Variants in PAIP2B observed in about 807,000 individuals in gnomAD.
PAIP2B encodes polyadenylate-binding protein-interacting protein 2B.
A neutral mutation model predicts 17.0 loss-of-function variants in PAIP2B; 13 were observed. The observed-to-expected ratio is 0.76, with a 90% CI of 0.50 to 1.22. The LOEUF (loss-of-function observed/expected upper bound fraction) is 1.22, where lower values mean the gene tolerates loss of function less well. PAIP2B is among the 50% of genes most tolerant of loss of function. The probability of loss-of-function intolerance (pLI) is 0.00; values close to 1 mark genes in which losing one functional copy is unlikely to be tolerated. For missense variants in PAIP2B, 117 were observed against 144.5 expected (o/e 0.81, Z 0.98); for synonymous variants, 43 against 48.7 (o/e 0.88, Z 0.48).
At chr2:71,193,638 G>A (rs1252132392) in intron 2 of PAIP2B, among the ~76,000 whole-genome samples, 1 of 152,146 alleles carries the variant, frequency 6.6e-6, no homozygotes, top group East Asian at 1.9e-4. Context: ...CAGATCATGA[G>A]GTTAGTAGAC....
Position 71,184,996 on chromosome 2 carries a change from T to C in PAIP2B, c.*3483A>G, listed in dbSNP as rs187181. ...TGCCCCCTCCTCACAGTTGGGTAGA[T>C]TCCTGGGTTCCTGATGGTTCAGGAG... On this transcript the variant is annotated 3_prime_UTR_variant, in exon 4 of 4. Coordinates refer to ENST00000244221, the MANE Select transcript of PAIP2B (RefSeq NM_020459.1). 55,333 of 151,912 alleles carry C rather than the reference T, an allele frequency of 0.36. 10,425 individuals carry two copies. Among genetic ancestry groups the C allele is most frequent in the South Asian group, 0.57 (2,733 of 4,816 alleles). The allele number at this position is 151,912 out of a possible 1,614,324, so 9.4% of individuals were successfully genotyped here. A position where few individuals can be genotyped will look rare whatever the true frequency, so the allele number is the denominator to read the frequency against.
chr2:71,214,019 T>G (rs757393666), intron 1 of PAIP2B, among the ~76,000 whole-genome samples: 2 of 152,174 alleles, frequency 1.3e-5, no homozygotes, highest in Non-Finnish European at 2.9e-5. Flanking sequence ...TAAAAAAAAT[T>G]TTTTTAGAGA....
chr2:71,222,119 T>C (rs985516800), intron 1 of PAIP2B, among the ~76,000 whole-genome samples: 3 of 152,228 alleles, frequency 2.0e-5, no homozygotes, highest in Non-Finnish European at 4.4e-5. Flanking sequence ...CTTTAAGAGC[T>C]GTAACACTCA....
At chr2:71,197,359 T>G (rs534421795) in intron 2 of PAIP2B, among the ~76,000 whole-genome samples, 1 of 152,300 alleles carries the variant, frequency 6.6e-6, no homozygotes, top group Non-Finnish European at 1.5e-5. Context: ...TCTTCTGGCT[T>G]ATAGGGTTTC....
At chr2:71,226,119 T>A (rs1044078925) in intron 1 of PAIP2B, among the ~76,000 whole-genome samples, 7 of 152,202 alleles carry the variant, frequency 4.6e-5, no homozygotes, top group Non-Finnish European at 1.0e-4. Context: ...AGAACTGCAT[T>A]AGGACAAAGA....
rs1674476306 is a variant in PAIP2B at position 71,184,317 on chromosome 2, G to A, written c.*4162C>T. The A allele has an allele frequency of 6.6e-6, 1 of 152,164 alleles. No individual in the cohort carries two copies. The highest frequency in any genetic ancestry group is 2.4e-5 in the African/African-American group (1 of 41,436). The allele number at this position is 152,164 out of a possible 1,614,324, so 9.4% of individuals were successfully genotyped here. On this transcript the variant is annotated 3_prime_UTR_variant, in exon 4 of 4. Transcript: ENST00000244221. ...TTCTCTCCTGTCCCCTGGGACTGGG[G>A]AAGGTGAATCTCCTGCCTGACACCT...
intron 1 of PAIP2B, among the ~76,000 whole-genome samples, chr2:71,214,825 G>A (rs1675387268): frequency 2.0e-5 from 3 of 152,128 alleles, no homozygotes; most frequent in Non-Finnish European, 4.4e-5. Flanking sequence ...AAGGGCTTTG[G>A]ACCCTCTATG....
intron 1 of PAIP2B, among the ~76,000 whole-genome samples, chr2:71,205,165 C>G (rs1675094785): frequency 6.6e-6 from 1 of 152,088 alleles, no homozygotes; most frequent in Admixed American, 6.5e-5. Context: ...ACCATAAAAT[C>G]TACAAAAACT....
intron 1 of PAIP2B, among the ~76,000 whole-genome samples, chr2:71,221,965 G>A (rs1162704606): frequency 6.6e-6 from 1 of 152,206 alleles, no homozygotes; most frequent in Non-Finnish European, 1.5e-5. Context: ...ACGGAACATG[G>A]GAGGGGACAA....
At position 71,221,106 on chromosome 2, in the gene PAIP2B, A is replaced by T. The variant is rs528086527; in HGVS notation, c.-12+5822T>A. 3.9e-5 allele frequency among the ~76,000 whole-genome samples: 6 copies of T among 152,354 alleles called. No homozygotes were observed. The South Asian group carries it at 1.2e-3, about 32-fold the overall frequency. ...CTAGACACTCTGCCAACAACCTGAG[A>T]ATGTTATACTCTTTCCCTAAAACTT... On this transcript the variant is annotated intron_variant, in intron 1 of 3. Transcript: ENST00000244221.
intron 1 of PAIP2B, 34 bp from the exon 2 acceptor site, chr2:71,202,634 A>G (rs1675014377): frequency 2.6e-6 from 4 of 1,563,790 alleles, no homozygotes; most frequent in Non-Finnish European, 3.5e-6. Flanking sequence ...TAAAATGAAT[A>G]TAAGGATAAA....
intron 1 of PAIP2B, among the ~76,000 whole-genome samples, chr2:71,216,580 G>A (rs1675435329): frequency 6.6e-6 from 1 of 152,104 alleles, no homozygotes; most frequent in African/African-American, 2.4e-5. Context: ...TACAAGAATG[G>A]TTCTCAAAAA....
At chr2:71,200,637 A>C (rs1424352464) in intron 2 of PAIP2B, among the ~76,000 whole-genome samples, 3 of 152,172 alleles carry the variant, frequency 2.0e-5, no homozygotes, top group Non-Finnish European at 4.4e-5. Context: ...CTGTAGTCCC[A>C]GCTACTCAGG....
At position 71,217,140 on chromosome 2, in the gene PAIP2B, A is replaced by T. The variant is rs185946770; in HGVS notation, c.-12+9788T>A. Among the ~76,000 whole-genome samples, 354 of 152,272 alleles carry T rather than the reference A, an allele frequency of 2.3e-3. 6 individuals are homozygous for T. The highest frequency in any genetic ancestry group is 1.3e-3 in the Non-Finnish European group (91 of 68,012). On this transcript the variant is annotated intron_variant, in intron 1 of 3. Coordinates refer to ENST00000244221, the MANE Select transcript of PAIP2B (RefSeq NM_020459.1). ...GTGGAATTATTGGCTATATATATAT[A>T]TTTTAATTTTTTTGAGACGGAGTCT...
chr2:71,201,174 A>C (rs1216796324), intron 2 of PAIP2B, among the ~76,000 whole-genome samples: 1 of 152,172 alleles, frequency 6.6e-6, no homozygotes, highest in Non-Finnish European at 1.5e-5. Flanking sequence ...CTGGCTTCTA[A>C]TAGCCCTGGT....
At chr2:71,188,930 AT>A (rs1200598457) in intron 3 of PAIP2B, among the ~76,000 whole-genome samples, 10 of 151,834 alleles carry the variant, frequency 6.6e-5, no homozygotes, top group Non-Finnish European at 1.3e-4. Context: ...TCTTGTGAAT[AT>A]CCAAAACCTT....
intron 2 of PAIP2B, among the ~76,000 whole-genome samples, chr2:71,194,459 T>TTGTGTGTGTGTGTG (rs141924993): frequency 1.8e-4 from 26 of 143,480 alleles, no homozygotes; most frequent in South Asian, 1.8e-3. Flanking sequence ...TATTCCTAGG[T>TTGTGTGTGTGTGTG]TGTGTGTGTG....
chr2:71,218,652 C>G (rs558669040), intron 1 of PAIP2B, among the ~76,000 whole-genome samples: 19 of 151,990 alleles, frequency 1.3e-4, no homozygotes, highest in African/African-American at 4.6e-4. Context: ...GAATTCCGTC[C>G]AAAAATGCTT....
At chr2:71,206,269 C>A (rs1337998120) in intron 1 of PAIP2B, among the ~76,000 whole-genome samples, 1 of 152,184 alleles carries the variant, frequency 6.6e-6, no homozygotes, top group Non-Finnish European at 1.5e-5. Context: ...AAGAATTAGA[C>A]CTCAACAGTA....
Sources: allele counts gnomAD v4.1 joint callset (sites outside exome capture counted in the v4.1 genomes callset), GRCh38; gene constraint gnomAD v4.1.1; transcripts MANE v1.5; gene names NCBI Gene and HGNC (gene_info 2026-07-23, HGNC 2026-07-21).